The following GINS1 variants were observed in gnomAD, a reference collection of about 807,000 sequenced individuals.
GINS1 encodes the protein GINS complex subunit 1, also known as DNA replication complex GINS protein PSF1.
GINS1 carries 26 observed loss-of-function variants against 34.9 expected under a neutral mutation model. The ratio of observed to expected loss-of-function variants is 0.74; its 90% CI spans 0.55 to 1.03. The LOEUF is 1.03. GINS1 is among the 50% of genes least tolerant of loss of function. The pLI, the probability that GINS1 is intolerant of heterozygous loss-of-function variation, is 0.00. For missense variants in GINS1, 235 were observed against 237.9 expected, an observed-to-expected ratio of 0.99 and a Z score of 0.08; for synonymous variants, 97 against 84.4, an observed-to-expected ratio of 1.15 and a Z score of -0.82.
chr20:25,412,553 TA>T (rs561114337), intron 1 of GINS1, among the ~76,000 whole-genome samples: 5 of 151,188 alleles, frequency 3.3e-5, no homozygotes, highest in East Asian at 3.9e-4. Context: ...AGACTCCATC[TA>T]AAAAAAAAGA....
intron 4 of GINS1, among the ~76,000 whole-genome samples, chr20:25,418,903 A>G (rs932020478): frequency 1.3e-5 from 2 of 152,210 alleles, no homozygotes; most frequent in African/African-American, 4.8e-5. Context: ...CCAAAGGCCC[A>G]ATACTTTAAT....
chr20:25,430,209 C>A lies in GINS1; in HGVS notation c.447+4882C>A, dbSNP rs535979304. 1.3e-3 allele frequency among the ~76,000 whole-genome samples: 193 copies of A among 152,260 alleles called. 1 individual carries two copies. The highest frequency in any genetic ancestry group is 6.6e-3 in the South Asian group (32 of 4,818). On this transcript the variant is annotated intron_variant, in intron 5 of 6. Transcript: ENST00000262460. ...TATAGGCGTGAGCCACCGTGCCTGG[C>A]CAGCTTTCAGTCTTTCACCATTGAA... is the stretch of plus-strand genomic sequence containing the variant.
At chr20:25,414,025 A>G (rs916753314) in intron 2 of GINS1, among the ~76,000 whole-genome samples, 171 bp downstream of exon 2, 4 of 151,974 alleles carry the variant, frequency 2.6e-5, no homozygotes, top group African/African-American at 9.7e-5. Context: ...CCTTGTCTCT[A>G]CTAAAAATAC....
At chr20:25,442,410 G>A (rs368078647) in intron 6 of GINS1, among the ~76,000 whole-genome samples, 1 of 151,688 alleles carries the variant, frequency 6.6e-6, no homozygotes, top group Non-Finnish European at 1.5e-5. Context: ...TAGAGATGGG[G>A]CCTTGCTATG....
At chr20:25,418,058 A>T in intron 3 of GINS1, 47 bp from the exon 4 acceptor site, 1 of 1,004,576 alleles carries the variant, frequency 1.0e-6, no homozygotes, top group Non-Finnish European at 1.6e-6. Flanking sequence ...TCCACACGTG[A>T]TCCCCCGTTT....
chr20:25,412,450 G>A lies in GINS1; in HGVS notation c.76-1340G>A, dbSNP rs28439563. ...GGCGCCTGTAATCCCAGCTACTCGG[G>A]AGGCTGAGACAGGAGAATTGCTTGA... On this transcript the variant is annotated intron_variant, in intron 1 of 6. Coordinates refer to ENST00000262460, the MANE Select transcript of GINS1 (RefSeq NM_021067.5). Among the ~76,000 whole-genome samples, 989 of 152,038 alleles carry A rather than the reference G, an allele frequency of 6.5e-3. 15 individuals carry two copies. Among genetic ancestry groups the A allele is most frequent in the African/African-American group, 0.023 (947 of 41,444 alleles).
At chr20:25,414,561 G>A (rs6050597) in intron 2 of GINS1, among the ~76,000 whole-genome samples, 16,712 of 152,160 alleles carry the variant, frequency 0.11, 1,720 homozygotes, top group African/African-American at 0.27. Flanking sequence ...TTAGCTGGGT[G>A]TGGTGGCACA....
At chr20:25,436,759 G>T (rs1341597678) in intron 5 of GINS1, among the ~76,000 whole-genome samples, 1 of 151,968 alleles carries the variant, frequency 6.6e-6, no homozygotes, top group African/African-American at 2.4e-5. Context: ...AACTCTTGTT[G>T]TAAAGTCTTT....
chr20:25,441,760 T>TAA lies in GINS1; in HGVS notation c.514_515dup (p.Asn172LysfsTer15). On this transcript the variant is annotated frameshift_variant, in exon 6 of 7. Coordinates refer to ENST00000262460, the MANE Select transcript of GINS1 (RefSeq NM_021067.5). LOFTEE classifies it high-confidence loss of function. ...GTTGATGATGGCACTTCAGTCCTAT[T>TAA]AAAAAAAAATAGCCAGGTATTTCTT... The TAA allele has an allele frequency of 4.7e-6, 7 of 1,496,400 alleles. No individual in the cohort carries two copies. Among genetic ancestry groups the TAA allele is most frequent in the Admixed American group, 1.8e-5 (1 of 55,380 alleles). 92.7% of individuals were successfully genotyped at this position (1,496,400 alleles called of 1,614,324 possible). A position where few individuals can be genotyped will look rare whatever the true frequency, so the allele number is the denominator to read the frequency against.
chr20:25,439,208 C>T (rs2090469560), intron 5 of GINS1, among the ~76,000 whole-genome samples: 1 of 152,204 alleles, frequency 6.6e-6, no homozygotes, highest in South Asian at 2.1e-4. Flanking sequence ...CAAAAAGAGA[C>T]AGCCAGGCAC....
rs1264040125 is a variant in GINS1, at chr20:25,435,137, A to T, written c.448-6565A>T. On this transcript the variant is annotated intron_variant, in intron 5 of 6. Transcript: ENST00000262460. ...CATGGGTTCAAGTTACTATCTTGTG[A>T]TAGTTACCATATATAGGATTCTTGG... Among the ~76,000 whole-genome samples, 6 of 152,278 alleles carry T rather than the reference A, an allele frequency of 3.9e-5. No homozygotes were observed. In the East Asian group the frequency reaches 1.2e-3, roughly 29 times the overall value.
At position 25,424,021 on chromosome 20, in the gene GINS1, TATAG is replaced by T. The variant is rs1355859754; in HGVS notation, c.331-1186_331-1183del. On this transcript the variant is annotated intron_variant, in intron 4 of 6. Coordinates refer to ENST00000262460, the MANE Select transcript of GINS1 (RefSeq NM_021067.5). ...TACAGGAGGCATGCTTCATTTTGAA[TATAG>T]ATATTGAGATGACCCAGCACCATGT... Among the ~76,000 whole-genome samples the T allele has an allele frequency of 6.6e-5, 10 of 152,324 alleles. No homozygotes were observed. The East Asian group carries it at 1.7e-3, about 26-fold the overall frequency.
At chr20:25,410,552 A>G (rs1453600146) in intron 1 of GINS1, among the ~76,000 whole-genome samples, 1 of 151,586 alleles carries the variant, frequency 6.6e-6, no homozygotes, top group African/African-American at 2.4e-5. Context: ...AGGACCACAC[A>G]GGCTTTTCTC....
At chr20:25,410,354 A>AG (rs1346817421) in intron 1 of GINS1, among the ~76,000 whole-genome samples, 8 of 151,582 alleles carry the variant, frequency 5.3e-5, no homozygotes, top group African/African-American at 1.9e-4. Flanking sequence ...AAAAAAAAAA[A>AG]GTTGTAGAAT....
At chr20:25,429,664 C>CT (rs2146211229) in intron 5 of GINS1, among the ~76,000 whole-genome samples, 1 of 152,152 alleles carries the variant, frequency 6.6e-6, no homozygotes, top group East Asian at 1.9e-4. Context: ...TGTGTGTTGA[C>CT]TTTGCATCCT....
chr20:25,424,690 C>T (rs188464797), intron 4 of GINS1, among the ~76,000 whole-genome samples: 28 of 152,294 alleles, frequency 1.8e-4, no homozygotes, highest in Admixed American at 3.3e-4. Context: ...ATAGATTTAC[C>T]TATTACAGGT....
intron 5 of GINS1, among the ~76,000 whole-genome samples, chr20:25,441,367 G>A (rs897879867): frequency 6.6e-6 from 1 of 152,198 alleles, no homozygotes; most frequent in East Asian, 1.9e-4. Flanking sequence ...AAGCAGGTTG[G>A]AGCAGATCTA....
At chr20:25,417,752 G>A (rs1327813710) in intron 3 of GINS1, among the ~76,000 whole-genome samples, 2 of 152,170 alleles carry the variant, frequency 1.3e-5, no homozygotes, top group African/African-American at 4.8e-5. Context: ...TACTTGGGAG[G>A]CTGAGGCAGG....
chr20:25,413,293 C>G (rs1035229362), intron 1 of GINS1, among the ~76,000 whole-genome samples: 1 of 152,164 alleles, frequency 6.6e-6, no homozygotes, highest in Non-Finnish European at 1.5e-5. Flanking sequence ...AGGTGATCCA[C>G]CCGCCTCAGC....
Sources: allele counts gnomAD v4.1 joint callset (sites outside exome capture counted in the v4.1 genomes callset), GRCh38; gene constraint gnomAD v4.1.1; transcripts MANE v1.5; gene names NCBI Gene and HGNC (gene_info 2026-07-23, HGNC 2026-07-21).